Variants in GRM2 observed in about 807,000 individuals in gnomAD.
GRM2 encodes the protein glutamate metabotropic receptor 2.
In GRM2, 35 loss-of-function variants were observed where a neutral mutation model predicts 60.4. The observed-to-expected ratio is 0.58, with a 90% CI of 0.44 to 0.77. GRM2 has a LOEUF of 0.77. Among genes scored for constraint, GRM2 ranks in the 30% least tolerant of loss-of-function variants. GRM2 has a pLI of 0.00. For missense variants in GRM2, 925 were observed against 1,199.5 expected (o/e 0.77, Z 3.38); for synonymous variants, 437 against 484.1 (o/e 0.90, Z 1.28).
rs1703960480 is a variant in GRM2 at position 51,717,833 on chromosome 3, AGCCCTCTCT to A, written c.2545+20_2545+28del. 6.2e-7 allele frequency: 1 copy of A among 1,610,854 alleles called. No individual in the cohort carries two copies. Among genetic ancestry groups the A allele is most frequent in the African/African-American group, 1.3e-5 (1 of 74,988 alleles). On this transcript the variant is annotated intron_variant, in intron 5 of 5. Transcript: ENST00000395052. The surrounding 1 kb of genome is among the most constrained non-coding windows in gnomAD (Gnocchi z 6.0). ...CTTGGCCAAGGTCAGTGTCCTAAGC[AGCCCTCTCT>A]GCCTGTTCCCCTCTCCCTGTCCAGC...
Position 51,715,516 on chromosome 3 carries a change from C to T in GRM2, c.1743C>T (p.Ala581=). The part of the protein sequence containing the change: ...PVTIACLGAL[A]TLFVLGVFVR... Reference sequence around the variant, plus strand: ...CCATCGCCTGCCTCGGTGCCCTGGCCACCCTCTTTGTGCTGGGTGTCTTTG... The same window carrying T: ...CCATCGCCTGCCTCGGTGCCCTGGCTACCCTCTTTGTGCTGGGTGTCTTTG... The change falls in exon 4 of 6, where the codon GCC becomes GCT. Residue 581 remains alanine, a synonymous_variant. Coordinates refer to ENST00000395052, the MANE Select transcript of GRM2 (RefSeq NM_000839.5). The surrounding 1 kb of genome is among the most constrained non-coding windows in gnomAD (Gnocchi z 9.0). 1 of 1,613,472 alleles carries T rather than the reference C, an allele frequency of 6.2e-7. No individual in the cohort carries two copies.
rs1703805728 is a variant in GRM2, at chr3:51,713,728, T to C, written c.1288+418T>C. 4.0e-6 allele frequency: 1 copy of C among 249,216 alleles called. No individual in the cohort carries two copies. The highest frequency in any genetic ancestry group is 2.4e-5 in the African/African-American group (1 of 42,482). 15.4% of individuals were successfully genotyped at this position (249,216 alleles called of 1,614,324 possible). ...CGGAAAATGTCTTTCTGTCTTTCTT[T>C]TTTCTTTTCTTTCTTTTTTCTTTCT... On this transcript the variant is annotated intron_variant, in intron 3 of 5. Coordinates refer to ENST00000395052, the MANE Select transcript of GRM2 (RefSeq NM_000839.5). This position sits in a 1 kb window ranked among gnomAD's most constrained non-coding sequence, Gnocchi z 4.8.
At chr3:51,711,721 T>C (rs1245035215) in intron 2 of GRM2, 1 of 152,088 alleles carries the variant, frequency 6.6e-6, no homozygotes, top group Non-Finnish European at 1.5e-5. Flanking sequence ...GGCCCAAAGG[T>C]AAAATGTGTG....
At chr3:51,707,492 GCTGT>G (rs1329793794) in intron 1 of GRM2, 1 of 153,636 alleles carries the variant, frequency 6.5e-6, no homozygotes, top group African/African-American at 2.4e-5. Flanking sequence ...CAGGCTCCTG[GCTGT>G]CTGACTCCGG....
Position 51,713,085 on chromosome 3 carries a change from T to C in GRM2, c.1063T>C (p.Cys355Arg). 1.9e-6 allele frequency: 3 copies of C among 1,613,186 alleles called. No homozygotes were observed. The highest frequency in any genetic ancestry group is 2.5e-6 in the Non-Finnish European group (3 of 1,180,042). Reference sequence around the variant, plus strand: ...TGAATTCTGGGAGCAGAGGTTCCGCTGCAGCTTCCGGCAGCGAGACTGCGC... The same window carrying C: ...TGAATTCTGGGAGCAGAGGTTCCGCCGCAGCTTCCGGCAGCGAGACTGCGC... ...FREFWEQRFR[C>R]SFRQRDCAAH... The change falls in exon 3 of 6, where the codon TGC becomes CGC. Residue 355 changes from cysteine (C) to arginine (R), a missense_variant. By Grantham distance (180) the Cys-to-Arg change is radical. Transcript: ENST00000395052. This position sits in a 1 kb window ranked among gnomAD's most constrained non-coding sequence, Gnocchi z 4.8.
In GRM2 at chr3:51,713,088, A is replaced by G. The variant is rs773518679; in HGVS notation, c.1066A>G (p.Ser356Gly). The change falls in exon 3 of 6, where the codon AGC becomes GGC. Residue 356 changes from serine to glycine, a missense_variant. Transcript: ENST00000395052. The surrounding 1 kb of genome is among the most constrained non-coding windows in gnomAD (Gnocchi z 4.8). Reference sequence around the variant, plus strand: ...ATTCTGGGAGCAGAGGTTCCGCTGCAGCTTCCGGCAGCGAGACTGCGCAGC... The same window carrying G: ...ATTCTGGGAGCAGAGGTTCCGCTGCGGCTTCCGGCAGCGAGACTGCGCAGC... ...REFWEQRFRC[S>G]FRQRDCAAHS... 1.5e-5 allele frequency: 25 copies of G among 1,612,990 alleles called. No homozygotes were observed. In the Admixed American group the frequency reaches 4.2e-4, roughly 27 times the overall value.
chr3:51,710,959 G>T (rs1216313482), intron 2 of GRM2, among the ~76,000 whole-genome samples: 10 of 152,252 alleles, frequency 6.6e-5, no homozygotes, highest in African/African-American at 2.4e-4. Flanking sequence ...CCTTGGCTTG[G>T]CCTCAGCTTC....
At position 51,709,009 on chromosome 3, in the gene GRM2, C is replaced by G. The variant is rs1460463489; in HGVS notation, c.26C>G (p.Ala9Gly). MGSLLALL[A>G]LLLLWGAVAE... is the part of the protein sequence containing the mutation. Reference sequence around the variant, plus strand: ...ATGGGATCGCTGCTTGCGCTCCTGGCACTGCTGCTGCTGTGGGGTGCTGTG... The same window carrying G: ...ATGGGATCGCTGCTTGCGCTCCTGGGACTGCTGCTGCTGTGGGGTGCTGTG... The change falls in exon 2 of 6, where the codon GCA (alanine) becomes GGA (glycine). Residue 9 changes from alanine (A) to glycine (G), a missense_variant. Physicochemically the swap from Ala to Gly is moderately conservative, Grantham distance 60 (BLOSUM62 0). Transcript: ENST00000395052. 6.3e-7 allele frequency: 1 copy of G among 1,588,738 alleles called. No homozygotes were observed. Among genetic ancestry groups the G allele is most frequent in the East Asian group, 2.3e-5 (1 of 44,260 alleles).
At position 51,717,965 on chromosome 3, in the gene GRM2, G is replaced by T; in HGVS notation, c.2546-74G>T. 1 of 1,482,400 alleles carries T rather than the reference G, an allele frequency of 6.7e-7. No individual in the cohort carries two copies. Among genetic ancestry groups the T allele is most frequent in the Non-Finnish European group, 9.4e-7 (1 of 1,059,856 alleles). The allele number at this position is 1,482,400 out of a possible 1,614,324, so 91.8% of individuals were successfully genotyped here. A position where few individuals can be genotyped will look rare whatever the true frequency, so the allele number is the denominator to read the frequency against. ...GAGGGGAGGGGAGGCTTCCCTCACA[G>T]CCCTGCTTCCCCACTGCCTGCCCTC... On this transcript the variant is annotated intron_variant, in intron 5 of 5. Coordinates refer to ENST00000395052, the MANE Select transcript of GRM2 (RefSeq NM_000839.5). The surrounding 1 kb of genome is among the most constrained non-coding windows in gnomAD (Gnocchi z 6.0).
rs1703899019 is a variant in GRM2 at position 51,716,363 on chromosome 3, C to T, written c.2364+226C>T. Among the ~76,000 whole-genome samples the T allele has an allele frequency of 6.6e-6, 1 of 152,096 alleles. No individual in the cohort carries two copies. Among genetic ancestry groups the T allele is most frequent in the Non-Finnish European group, 1.5e-5 (1 of 68,004 alleles). ...GTTAGAGAGAGCTGAGATTTCAGGACTTGAATGTCATCCCCTATCCTGGAA... is the reference window on the plus strand; with the variant it reads ...GTTAGAGAGAGCTGAGATTTCAGGATTTGAATGTCATCCCCTATCCTGGAA... On this transcript the variant is annotated intron_variant, in intron 4 of 5. Transcript: ENST00000395052. The surrounding 1 kb of genome is among the most constrained non-coding windows in gnomAD (Gnocchi z 4.0).
chr3:51,712,815 G>A lies in GRM2; in HGVS notation c.793G>A (p.Val265Met), dbSNP rs767700581. The change falls in exon 3 of 6, where the codon GTG (valine) becomes ATG (methionine). Residue 265 changes from valine (V) to methionine (M), a missense_variant. Physicochemically the swap from Val to Met is conservative, Grantham distance 21. Transcript: ENST00000395052. This position sits in a 1 kb window ranked among gnomAD's most constrained non-coding sequence, Gnocchi z 5.3. ...RALLQKPSAR[V>M]AVLFTRSEDA... Reference sequence around the variant, plus strand: ...CCTGCTGCAGAAGCCCAGTGCCCGCGTGGCTGTCCTGTTCACCCGTTCTGA... The same window carrying A: ...CCTGCTGCAGAAGCCCAGTGCCCGCATGGCTGTCCTGTTCACCCGTTCTGA... 8 of 1,612,770 alleles carry A rather than the reference G, an allele frequency of 5.0e-6. No individual in the cohort carries two copies. Among genetic ancestry groups the A allele is most frequent in the Non-Finnish European group, 5.9e-6 (7 of 1,180,038 alleles).
chr3:51,717,112 A>ACATG lies in GRM2; in HGVS notation c.2365-518_2365-515dup, dbSNP rs2107124917. On this transcript the variant is annotated intron_variant, in intron 4 of 5. Coordinates refer to ENST00000395052, the MANE Select transcript of GRM2 (RefSeq NM_000839.5). The surrounding 1 kb of genome is among the most constrained non-coding windows in gnomAD (Gnocchi z 6.0). The stretch of plus-strand genomic sequence containing the variant: ...CACCTGAGACACACACCGTACCCAC[A>ACATG]CATGCATGCACACACACACACACAC... Among the ~76,000 whole-genome samples, 1 of 93,808 alleles carries ACATG rather than the reference A, an allele frequency of 1.1e-5. No homozygotes were observed. The highest frequency in any genetic ancestry group is 4.5e-4 in the South Asian group (1 of 2,226). 61.5% of individuals were successfully genotyped at this position (93,808 alleles called of 152,430 possible).
rs1329876902 is a variant in GRM2, at chr3:51,715,645, T to A, written c.1872T>A (p.Ile624=). 3 of 1,614,124 alleles carry A rather than the reference T, an allele frequency of 1.9e-6. No individual in the cohort carries two copies. The highest frequency in any genetic ancestry group is 4.5e-5 in the East Asian group (2 of 44,896). ...FLCYCMTFIF[I]AKPSTAVCTL... ...GCTACTGCATGACCTTCATCTTCAT[T>A]GCCAAGCCATCCACGGCAGTGTGTA... The change falls in exon 4 of 6, where the codon ATT becomes ATA. Residue 624 remains isoleucine (I), a synonymous_variant. Transcript: ENST00000395052. The surrounding 1 kb of genome is among the most constrained non-coding windows in gnomAD (Gnocchi z 9.0).
At position 51,715,787 on chromosome 3, in the gene GRM2, C is replaced by T. The variant is rs777098269; in HGVS notation, c.2014C>T (p.Arg672Cys). ...GGAREGAQRPRFISPASQVAI... is the reference protein window; with the variant it reads ...GGAREGAQRPCFISPASQVAI... ...GGCCCGGGAGGGTGCCCAGCGGCCA[C>T]GCTTCATCAGTCCTGCCTCACAGGT... The change falls in exon 4 of 6, where the codon CGC becomes TGC. Residue 672 changes from arginine (R) to cysteine (C), a missense_variant. Physicochemically the swap from Arg to Cys is radical, Grantham distance 180 (BLOSUM62 -3). Coordinates refer to ENST00000395052, the MANE Select transcript of GRM2 (RefSeq NM_000839.5). The surrounding 1 kb of genome is among the most constrained non-coding windows in gnomAD (Gnocchi z 9.0). The T allele has an allele frequency of 1.2e-6, 2 of 1,613,584 alleles. No individual in the cohort carries two copies. Among genetic ancestry groups the T allele is most frequent in the African/African-American group, 1.3e-5 (1 of 75,064 alleles).
rs143499566 is a variant in GRM2 at position 51,716,107 on chromosome 3, C to T, written c.2334C>T (p.Pro778=). The T allele has an allele frequency of 6.2e-6, 10 of 1,613,490 alleles. No homozygotes were observed. The highest frequency in any genetic ancestry group is 5.5e-5 in the South Asian group (5 of 91,068). ...GCATCATCTGGCTGGCATTCCTGCC[C>T]ATCTTCTATGTCACCTCCAGTGACT... ...TTCIIWLAFL[P]IFYVTSSDYR... The change falls in exon 4 of 6, where the codon CCC becomes CCT. Residue 778 remains proline, a synonymous_variant. Coordinates refer to ENST00000395052, the MANE Select transcript of GRM2 (RefSeq NM_000839.5). This position sits in a 1 kb window ranked among gnomAD's most constrained non-coding sequence, Gnocchi z 4.0.
intron 1 of GRM2, chr3:51,708,438 C>T: frequency 6.6e-6 from 1 of 152,452 alleles, no homozygotes; most frequent in East Asian, 1.9e-4. Flanking sequence ...ATCCAAGGCT[C>T]AGGATGGGGA....
Position 51,712,016 on chromosome 3 carries a change from G to C in GRM2, c.451-457G>C, listed in dbSNP as rs1273225852. Reference sequence around the variant, plus strand: ...GGGATCTGTGTCTTTCTTCCTAGGGGAAACTTTTCCTTCTTTCTGTATCAT... The same window carrying C: ...GGGATCTGTGTCTTTCTTCCTAGGGCAAACTTTTCCTTCTTTCTGTATCAT... On this transcript the variant is annotated intron_variant, in intron 2 of 5. Coordinates refer to ENST00000395052, the MANE Select transcript of GRM2 (RefSeq NM_000839.5). The surrounding 1 kb of genome is among the most constrained non-coding windows in gnomAD (Gnocchi z 5.3). Among the ~76,000 whole-genome samples, 3 of 152,186 alleles carry C rather than the reference G, an allele frequency of 2.0e-5. No individual in the cohort carries two copies. The highest frequency in any genetic ancestry group is 4.4e-5 in the Non-Finnish European group (3 of 68,024).
Position 51,712,342 on chromosome 3 carries a change from G to A in GRM2, c.451-131G>A. 1 of 690,004 alleles carries A rather than the reference G, an allele frequency of 1.4e-6. No homozygotes were observed. The allele number at this position is 690,004 out of a possible 1,614,324, so 42.7% of individuals were successfully genotyped here. On this transcript the variant is annotated intron_variant, in intron 2 of 5. Transcript: ENST00000395052. The surrounding 1 kb of genome is among the most constrained non-coding windows in gnomAD (Gnocchi z 5.3). ...GAAGACTGTCAAGTCAGGATGCAGGGCTTTAGAGAGGGAGCCTTTAGGCCT... is the reference window on the plus strand; with the variant it reads ...GAAGACTGTCAAGTCAGGATGCAGGACTTTAGAGAGGGAGCCTTTAGGCCT...
chr3:51,712,691 C>T lies in GRM2; in HGVS notation c.669C>T (p.Ala223=). 6.2e-7 allele frequency: 1 copy of T among 1,614,046 alleles called. No homozygotes were observed. The highest frequency in any genetic ancestry group is 1.3e-5 in the African/African-American group (1 of 75,060). The change falls in exon 3 of 6, where the codon GCC becomes GCT. Residue 223 remains alanine, a synonymous_variant. Transcript: ENST00000395052. This position sits in a 1 kb window ranked among gnomAD's most constrained non-coding sequence, Gnocchi z 5.3. ...ACTATGGCGAGACAGGCATTGAGGC[C>T]TTTGAGCTAGAGGCTCGTGCCCGCA... ...EGDYGETGIE[A]FELEARARNI... is the part of the protein sequence containing the mutation.
Sources: allele counts gnomAD v4.1 joint callset (sites outside exome capture counted in the v4.1 genomes callset), GRCh38; gene constraint gnomAD v4.1.1; non-coding constraint Gnocchi (gnomAD v3.1); transcripts MANE v1.5; gene names NCBI Gene and HGNC (gene_info 2026-07-23, HGNC 2026-07-21).